Variants in TACR3 observed in about 807,000 individuals in gnomAD.
TACR3 encodes the protein tachykinin receptor 3.
Under a neutral mutation model 35.0 loss-of-function variants are expected in TACR3, and 34 were observed. The ratio of observed to expected loss-of-function variants is 0.97; its 90% CI spans 0.74 to 1.30. The LOEUF (loss-of-function observed/expected upper bound fraction) is 1.30. TACR3 is among the 50% of genes most tolerant of loss of function. TACR3 has a pLI of 0.00. For synonymous variants in TACR3, 233 were observed against 221.1 expected (o/e 1.05, Z -0.48); for missense variants, 558 against 591.7 (o/e 0.94, Z 0.59).
At chr4:103,667,262 C>A (rs1725955164) in intron 1 of TACR3, among the ~76,000 whole-genome samples, 1 of 151,486 alleles carries the variant, frequency 6.6e-6, no homozygotes, top group Non-Finnish European at 1.5e-5. Flanking sequence ...GTCTCAAAAA[C>A]AAAACAAAAC....
intron 3 of TACR3, among the ~76,000 whole-genome samples, chr4:103,639,410 G>A (rs914255593): frequency 3.9e-5 from 6 of 151,966 alleles, no homozygotes; most frequent in Non-Finnish European, 1.5e-5. Context: ...ATGGACACAG[G>A]AAGGGGAACA....
intron 3 of TACR3, among the ~76,000 whole-genome samples, chr4:103,605,580 G>C (rs1724335390): frequency 6.6e-6 from 1 of 151,770 alleles, no homozygotes; most frequent in Non-Finnish European, 1.5e-5. Context: ...GATGGCCAGT[G>C]ATGATGAACA....
At chr4:103,599,934 T>C (rs1457605902) in intron 3 of TACR3, among the ~76,000 whole-genome samples, 1 of 152,166 alleles carries the variant, frequency 6.6e-6, no homozygotes, top group Non-Finnish European at 1.5e-5. Context: ...GTTGTGTCTC[T>C]GCTGGGCTTT....
intron 1 of TACR3, among the ~76,000 whole-genome samples, chr4:103,684,027 C>T (rs558949837): frequency 9.2e-5 from 14 of 151,956 alleles, no homozygotes; most frequent in African/African-American, 2.2e-4. Context: ...TGAAGTTCAA[C>T]GTCAATTTAA....
intron 3 of TACR3, among the ~76,000 whole-genome samples, chr4:103,629,868 A>AAC (rs1725013495): frequency 9.1e-6 from 1 of 109,710 alleles, no homozygotes; most frequent in African/African-American, 3.4e-5. Flanking sequence ...AAACAAAAAA[A>AAC]AAACAAAAAA....
chr4:103,591,288 A>G (rs1300423770), intron 4 of TACR3, 199 bp downstream of exon 4: 1 of 617,838 alleles, frequency 1.6e-6, no homozygotes, highest in East Asian at 2.8e-5. Flanking sequence ...TATTTGGGGC[A>G]TCTAATTATT....
rs892618797 is a variant in TACR3 at position 103,704,390 on chromosome 4, T to C, written c.548+14738A>G. Reference sequence around the variant, plus strand: ...TTGCTGTAGAAGTACTGTGTTAGTTTGTTTTCACAAGGCTATAAAGATACT... The same window carrying C: ...TTGCTGTAGAAGTACTGTGTTAGTTCGTTTTCACAAGGCTATAAAGATACT... On this transcript the variant is annotated intron_variant, in intron 1 of 4. Coordinates refer to ENST00000304883, the MANE Select transcript of TACR3 (RefSeq NM_001059.3). 3.9e-5 allele frequency among the ~76,000 whole-genome samples: 6 copies of C among 152,298 alleles called. No individual in the cohort carries two copies. The South Asian group carries it at 6.2e-4, about 16-fold the overall frequency.
chr4:103,694,801 C>G (rs1450036596), intron 1 of TACR3, among the ~76,000 whole-genome samples: 1 of 151,874 alleles, frequency 6.6e-6, no homozygotes, highest in East Asian at 1.9e-4. Context: ...GTCTTTAAGG[C>G]ATGTATTATT....
At chr4:103,674,892 G>A (rs56675169) in intron 1 of TACR3, among the ~76,000 whole-genome samples, 4,472 of 152,076 alleles carry the variant, frequency 0.029, 237 homozygotes, top group African/African-American at 0.1. Flanking sequence ...TTTTTGGCAG[G>A]CATTTTTCTT....
At chr4:103,702,219 C>A (rs1225800896) in intron 1 of TACR3, among the ~76,000 whole-genome samples, 2 of 152,134 alleles carry the variant, frequency 1.3e-5, no homozygotes, top group South Asian at 2.1e-4. Context: ...AAACAAACAA[C>A]CCCATCAAAA....
chr4:103,707,130 C>T (rs946664508), intron 1 of TACR3, among the ~76,000 whole-genome samples: 1 of 152,198 alleles, frequency 6.6e-6, no homozygotes, highest in Non-Finnish European at 1.5e-5. Context: ...GCATTTATGA[C>T]AGTGTATTTG....
Position 103,645,837 on chromosome 4 carries a change from C to T in TACR3, c.888+10357G>A, listed in dbSNP as rs578073888. 8.6e-5 allele frequency among the ~76,000 whole-genome samples: 13 copies of T among 152,024 alleles called. No individual in the cohort carries two copies. In the South Asian group the frequency reaches 2.5e-3, roughly 29 times the overall value. On this transcript the variant is annotated intron_variant, in intron 3 of 4. Transcript: ENST00000304883. ...ACATACAATCTTATTTAAACCTCCA[C>T]AATTTTCAGCAAACGGAGCATAATA...
intron 1 of TACR3, among the ~76,000 whole-genome samples, chr4:103,660,243 C>A (rs1316439041): frequency 6.6e-6 from 1 of 151,150 alleles, no homozygotes. Flanking sequence ...TGTATAACAG[C>A]CATTAGGTAA....
At chr4:103,717,133 T>C (rs1291590747) in intron 1 of TACR3, among the ~76,000 whole-genome samples, 4 of 152,160 alleles carry the variant, frequency 2.6e-5, no homozygotes, top group Non-Finnish European at 5.9e-5. Flanking sequence ...GGTAAACTAT[T>C]GGACTGGTAA....
In TACR3 at chr4:103,719,759, C is replaced by A; in HGVS notation, c.-84G>T. ...CTCCTCTGAAGTTCTTCTCTGCCTCCTGGTCACTTTGGTGCCGGAGTCTTC... is the reference window on the plus strand; with the variant it reads ...CTCCTCTGAAGTTCTTCTCTGCCTCATGGTCACTTTGGTGCCGGAGTCTTC... On this transcript the variant is annotated 5_prime_UTR_variant, in exon 1 of 5. It adds an upstream start codon to the 5' untranslated region. Coordinates refer to ENST00000304883, the MANE Select transcript of TACR3 (RefSeq NM_001059.3). The A allele has an allele frequency of 6.4e-7, 1 of 1,553,558 alleles. No homozygotes were observed.
chr4:103,686,169 C>T (rs1722232060), intron 1 of TACR3, among the ~76,000 whole-genome samples: 1 of 152,152 alleles, frequency 6.6e-6, no homozygotes, highest in South Asian at 2.1e-4. Flanking sequence ...AAGGCTGATG[C>T]ATGCACAGGG....
At chr4:103,712,096 TC>T (rs1191234692) in intron 1 of TACR3, among the ~76,000 whole-genome samples, 4 of 152,074 alleles carry the variant, frequency 2.6e-5, no homozygotes, top group African/African-American at 9.7e-5. Context: ...TTCAATGCCA[TC>T]CCCATCAAGC....
intron 1 of TACR3, among the ~76,000 whole-genome samples, chr4:103,681,949 A>G (rs1481991140): frequency 1.3e-5 from 2 of 152,218 alleles, no homozygotes; most frequent in Non-Finnish European, 2.9e-5. Flanking sequence ...ATAACAGGAA[A>G]GAGAAAAATT....
At chr4:103,703,247 AG>A (rs2110225163) in intron 1 of TACR3, among the ~76,000 whole-genome samples, 1 of 152,302 alleles carries the variant, frequency 6.6e-6, no homozygotes, top group South Asian at 2.1e-4. Flanking sequence ...TATAACATAA[AG>A]TTTGCCATTT....
Sources: allele counts gnomAD v4.1 joint callset (sites outside exome capture counted in the v4.1 genomes callset), GRCh38; gene constraint gnomAD v4.1.1; transcripts MANE v1.5; gene names NCBI Gene and HGNC (gene_info 2026-07-23, HGNC 2026-07-21).